MEIG1: variants seen among roughly 807,000 people sequenced by gnomAD.
MEIG1 encodes meiosis/spermiogenesis associated 1.
In MEIG1, 12 loss-of-function variants were observed where a neutral mutation model predicts 11.3. The ratio of observed to expected loss-of-function variants is 1.07; its 90% CI spans 0.68 to 1.73. MEIG1 has a LOEUF of 1.73. MEIG1 is among the 40% of genes most tolerant of loss of function. The pLI is 0.00. For missense variants in MEIG1, 119 were observed against 104.9 expected (o/e 1.13, Z -0.59); for synonymous variants, 41 against 33.2 (o/e 1.24, Z -0.81).
At position 14,966,576 on chromosome 10, in the gene MEIG1, C is replaced by T. The variant is rs139426002; in HGVS notation, c.108C>T (p.Thr36=). ...RFQQAGYRDE[T]EYRQVKQVSM... is the part of the protein sequence containing the mutation. ...AACAAGCAGGATATCGGGATGAAACCGAATATAGACAAGTGAAACAAGTTT... is the reference window on the plus strand; with the variant it reads ...AACAAGCAGGATATCGGGATGAAACTGAATATAGACAAGTGAAACAAGTTT... Residue 36 remains threonine, a synonymous_variant, in exon 2 of 3, where the codon ACC becomes ACT. Transcript: ENST00000407572. The T allele has an allele frequency of 1.3e-4, 215 of 1,610,272 alleles. 1 individual carries two copies. In the African/African-American group the frequency reaches 2.7e-3, roughly 20 times the overall value.
At position 14,986,280 on chromosome 10, in the gene MEIG1, G is replaced by A. The variant is rs564966587; in HGVS notation, n.67-516G>A. ...GCAGAGGATCTGGTGAGCCAAGATT[G>A]CACCATCACACTTCAGCCTGGGCAA... On this transcript the variant is annotated intron_variant and non_coding_transcript_variant, in intron 1 of 2. Transcript: ENST00000467536. Among the ~76,000 whole-genome samples, 8 of 152,228 alleles carry A rather than the reference G, an allele frequency of 5.3e-5. No homozygotes were observed. In the South Asian group the frequency reaches 1.7e-3, roughly 32 times the overall value.
upstream of MEIG1, among the ~76,000 whole-genome samples, chr10:14,959,131 C>G (rs1476201831): frequency 1.3e-5 from 2 of 152,170 alleles, no homozygotes; most frequent in African/African-American, 4.8e-5. Flanking sequence ...AACACAGTCT[C>G]CGTGCTGTGA....
intron 1 of MEIG1, among the ~76,000 whole-genome samples, chr10:14,982,594 A>C (rs1564510053): frequency 6.6e-6 from 1 of 151,994 alleles, no homozygotes; most frequent in African/African-American, 2.4e-5. Context: ...ACACAAAAAC[A>C]GCCTCTCCAC....
chr10:14,973,387 C>T (rs932248446), downstream of MEIG1, among the ~76,000 whole-genome samples: 1 of 152,116 alleles, frequency 6.6e-6, no homozygotes. Context: ...GAGTCCTTTG[C>T]CTCTTGCTGG....
At chr10:14,954,228 T>A in the MEIG1 span, 2 of 690,152 alleles carry the variant, frequency 2.9e-6, no homozygotes, top group African/African-American at 3.6e-5. Context: ...TCACCCGCGC[T>A]TCGCTGCACG....
chr10:14,958,138 A>C (rs995678839), upstream of MEIG1, among the ~76,000 whole-genome samples: 4 of 152,232 alleles, frequency 2.6e-5, no homozygotes, highest in South Asian at 8.3e-4. Context: ...ACATCTACTA[A>C]AAGACATGAA....
At chr10:14,986,767 G>A (rs112589607) in intron 1 of MEIG1, 1 of 337,590 alleles carries the variant, frequency 3.0e-6, no homozygotes. Flanking sequence ...GCGTCACCAA[G>A]CCTGACTAAT....
chr10:14,958,544 C>T (rs983767286), upstream of MEIG1, among the ~76,000 whole-genome samples: 4 of 152,168 alleles, frequency 2.6e-5, no homozygotes, highest in African/African-American at 9.7e-5. Context: ...GGCTCCAGCA[C>T]ACAATTGCTC....
At chr10:14,987,532 G>A (rs1330754073) in intron 2 of MEIG1, 9 of 679,714 alleles carry the variant, frequency 1.3e-5, no homozygotes, top group Admixed American at 2.1e-5. Context: ...AATTCACAAG[G>A]AACATCTTTA....
chr10:14,975,311 C>T (rs182118319), downstream of MEIG1, among the ~76,000 whole-genome samples: 12 of 152,082 alleles, frequency 7.9e-5, no homozygotes, highest in East Asian at 2.3e-3. Context: ...AGGGAGAGGA[C>T]GATATGACTC....
At chr10:14,969,234 G>A (rs114350637) in intron 2 of MEIG1, among the ~76,000 whole-genome samples, 679 of 152,130 alleles carry the variant, frequency 4.5e-3, no homozygotes, top group African/African-American at 0.016. Flanking sequence ...ATTGCTTGAG[G>A]CCAGGATTTT....
At position 14,966,522 on chromosome 10, in the gene MEIG1, A is replaced by C; in HGVS notation, c.54A>C (p.Ser18=). The C allele has an allele frequency of 1.2e-6, 2 of 1,613,062 alleles. No individual in the cohort carries two copies. Among genetic ancestry groups the C allele is most frequent in the Non-Finnish European group, 1.7e-6 (2 of 1,179,494 alleles). The part of the protein sequence containing the change: ...PKSVSHAKKW[S]EEIENLYRFQ... ...CAGTAAGTCATGCCAAAAAATGGTC[A>C]GAAGAGATAGAAAATCTGTACAGAT... Residue 18 remains serine, a synonymous_variant, in exon 2 of 3, where the codon TCA becomes TCC. Transcript: ENST00000407572.
intron 1 of MEIG1, among the ~76,000 whole-genome samples, chr10:14,960,662 C>T (rs1476687892): frequency 6.6e-6 from 1 of 151,916 alleles, no homozygotes; most frequent in Non-Finnish European, 1.5e-5. Context: ...TCGTGATCCA[C>T]CCGCCTCGGT....
upstream of MEIG1, among the ~76,000 whole-genome samples, chr10:14,958,910 CAAAA>C (rs1345030465): frequency 1.3e-5 from 2 of 151,646 alleles, no homozygotes; most frequent in African/African-American, 4.8e-5. Context: ...AAAACAAAAA[CAAAA>C]AAACAAAAAA....
At chr10:14,966,035 GT>G (rs1282279777) in intron 1 of MEIG1, among the ~76,000 whole-genome samples, 1 of 144,334 alleles carries the variant, frequency 6.9e-6, no homozygotes, top group Admixed American at 7.0e-5. Context: ...TCAACTCTAA[GT>G]ATAATTTTTA....
At chr10:14,978,031 G>A (rs959581751) in intron 1 of MEIG1, among the ~76,000 whole-genome samples, 1 of 151,824 alleles carries the variant, frequency 6.6e-6, no homozygotes, top group Admixed American at 6.6e-5. Context: ...AATATTCTAG[G>A]GGGGTGTTCC....
At chr10:14,962,294 AAAGT>A (rs1326055364) in intron 1 of MEIG1, among the ~76,000 whole-genome samples, 2 of 152,182 alleles carry the variant, frequency 1.3e-5, no homozygotes, top group East Asian at 3.8e-4. Context: ...TAATAAACTG[AAAGT>A]AAGGGCAAAA....
intron 1 of MEIG1, among the ~76,000 whole-genome samples, chr10:14,960,943 C>T (rs1391918009): frequency 6.6e-6 from 1 of 152,056 alleles, no homozygotes; most frequent in East Asian, 1.9e-4. Flanking sequence ...GCAGGAGAAT[C>T]GCTTTAACCT....
chr10:14,975,361 T>G (rs149965684), downstream of MEIG1, among the ~76,000 whole-genome samples: 1,623 of 152,216 alleles, frequency 0.011, 33 homozygotes, highest in Non-Finnish European at 9.9e-3. Context: ...TGGGATATTC[T>G]TCCTAATATC....
Sources: gnomAD v4.1 joint callset for allele counts (sites outside exome capture counted in the v4.1 genomes callset) on GRCh38, gnomAD v4.1.1 for gene constraint, MANE v1.5 for transcripts, NCBI Gene and HGNC (gene_info 2026-07-23, HGNC 2026-07-21) for gene names.